Variants in KLF12 observed in about 807,000 individuals in gnomAD.
KLF12 encodes the protein KLF transcription factor 12.
KLF12 carries 9 observed loss-of-function variants against 37.8 expected under a neutral mutation model. The ratio of observed to expected loss-of-function variants is 0.24; its 90% CI spans 0.14 to 0.42. The LOEUF (loss-of-function observed/expected upper bound fraction) is 0.42. Ranked by LOEUF, KLF12 falls within the 10% of genes least tolerant of loss-of-function variation. KLF12 has a pLI of 1.00. For missense variants in KLF12, 411 were observed against 516.0 expected (o/e 0.80, Z 1.97); for synonymous variants, 208 against 202.1 (o/e 1.03, Z -0.25).
At chr13:73,863,572 T>C (rs1440913865) in intron 3 of KLF12, among the ~76,000 whole-genome samples, 1 of 152,130 alleles carries the variant, frequency 6.6e-6, no homozygotes, top group Admixed American at 6.5e-5. Context: ...TTTTATCTAT[T>C]TTACTGTAGT....
chr13:73,699,719 G>C (rs1310376785), intron 7 of KLF12, among the ~76,000 whole-genome samples: 3 of 152,182 alleles, frequency 2.0e-5, no homozygotes, highest in Non-Finnish European at 4.4e-5. Context: ...ACATGAGAAG[G>C]ATCAGAAAGT....
intron 1 of KLF12, among the ~76,000 whole-genome samples, chr13:74,090,945 G>GAAAGTAAGA (rs1875618753): frequency 1.8e-4 from 23 of 127,528 alleles, no homozygotes; most frequent in African/African-American, 7.0e-4. Context: ...AAAAAAAAAA[G>GAAAGTAAGA]AAAGTAAGAA....
At chr13:73,847,866 G>A (rs905680157) in intron 3 of KLF12, among the ~76,000 whole-genome samples, 2 of 152,168 alleles carry the variant, frequency 1.3e-5, no homozygotes, top group East Asian at 3.9e-4. Flanking sequence ...TTTGATAAAA[G>A]CTATTAGCAT....
At chr13:74,025,691 G>C (rs1290059857) in intron 1 of KLF12, among the ~76,000 whole-genome samples, 1 of 152,094 alleles carries the variant, frequency 6.6e-6, no homozygotes, top group Non-Finnish European at 1.5e-5. Flanking sequence ...AGGGAATTTA[G>C]AACTGTCCAG....
chr13:73,895,184 T>C (rs1748420343), intron 3 of KLF12, among the ~76,000 whole-genome samples: 1 of 152,226 alleles, frequency 6.6e-6, no homozygotes, highest in African/African-American at 2.4e-5. Flanking sequence ...GCCAAATCTA[T>C]GTTTTTAATT....
At chr13:73,892,374 G>A (rs572510801) in intron 3 of KLF12, among the ~76,000 whole-genome samples, 8 of 152,148 alleles carry the variant, frequency 5.3e-5, no homozygotes, top group Admixed American at 2.0e-4. Context: ...TAAAACTGAC[G>A]TTGAAAAGAA....
At chr13:73,941,659 T>C (rs1275264341) in intron 3 of KLF12, among the ~76,000 whole-genome samples, 1 of 152,160 alleles carries the variant, frequency 6.6e-6, no homozygotes, top group East Asian at 1.9e-4. Flanking sequence ...GTCACCAAAA[T>C]TCTAGACTTT....
intron 5 of KLF12, among the ~76,000 whole-genome samples, chr13:73,774,242 T>A (rs2138141225): frequency 6.6e-6 from 1 of 151,060 alleles, no homozygotes; most frequent in South Asian, 2.1e-4. Flanking sequence ...TAAGTCAATA[T>A]ATGTGTGTGT....
the KLF12 span, among the ~76,000 whole-genome samples, chr13:74,302,345 T>A: frequency 2.6e-5 from 4 of 152,274 alleles, no homozygotes; most frequent in South Asian, 8.3e-4. Context: ...AAATAATGGA[T>A]AAGATACAGA....
chr13:73,770,788 G>A (rs1880217274), intron 5 of KLF12, among the ~76,000 whole-genome samples: 1 of 152,098 alleles, frequency 6.6e-6, no homozygotes, highest in Non-Finnish European at 1.5e-5. Context: ...CTCCCAAAGT[G>A]CTGGGATTAC....
In KLF12 at chr13:73,946,444, A is replaced by C. The variant is rs532604209; in HGVS notation, c.34-2374T>G. Among the ~76,000 whole-genome samples, 5 of 152,308 alleles carry C rather than the reference A, an allele frequency of 3.3e-5. No homozygotes were observed. The East Asian group carries it at 9.7e-4, about 29-fold the overall frequency. On this transcript the variant is annotated intron_variant, in intron 2 of 7. Transcript: ENST00000377669. ...AAGTTAAAAACTGATAAATCATAAA[A>C]ACCTGACTGGGTCTGTGTTCCACTT...
intron 6 of KLF12, among the ~76,000 whole-genome samples, chr13:73,726,338 T>C (rs145401625): frequency 9.5e-4 from 144 of 152,338 alleles, no homozygotes; most frequent in African/African-American, 3.3e-3. Flanking sequence ...TACAATTCAA[T>C]GGCATTCAGT....
chr13:73,781,907 C>T (rs1302595593), intron 5 of KLF12, among the ~76,000 whole-genome samples: 1 of 152,026 alleles, frequency 6.6e-6, no homozygotes. Flanking sequence ...TTCATTCTTG[C>T]CCTGGGAATT....
At chr13:74,163,580 G>A in the KLF12 span, among the ~76,000 whole-genome samples, 1 of 152,102 alleles carries the variant, frequency 6.6e-6, no homozygotes, top group Non-Finnish European at 1.5e-5. Flanking sequence ...ACTGGGAAGG[G>A]TTGTGGGGGT....
the KLF12 span, among the ~76,000 whole-genome samples, chr13:74,148,429 G>A: frequency 2.7e-5 from 1 of 37,516 alleles, no homozygotes; most frequent in Non-Finnish European, 5.0e-5. Flanking sequence ...TTTTTTTTCT[G>A]TACTCAATTT....
intron 3 of KLF12, among the ~76,000 whole-genome samples, chr13:73,920,481 G>C (rs1431610165): frequency 6.6e-6 from 1 of 152,102 alleles, no homozygotes; most frequent in Non-Finnish European, 1.5e-5. Context: ...AAACTAAAAT[G>C]TGATTGTAAC....
intron 4 of KLF12, among the ~76,000 whole-genome samples, chr13:73,813,492 C>A (rs1191521994): frequency 1.3e-5 from 2 of 152,110 alleles, no homozygotes; most frequent in African/African-American, 4.8e-5. Context: ...AAAACCTAAA[C>A]CAGCTCTCAA....
intron 1 of KLF12, among the ~76,000 whole-genome samples, chr13:74,033,954 C>CA (rs1300713350): frequency 0.014 from 1,843 of 129,678 alleles, 20 homozygotes; most frequent in East Asian, 0.038. Context: ...AGCTGAAAGC[C>CA]AAAAAAAAAA....
At chr13:74,060,490 G>GTGTGTGTGTGTGTGTGTGTC (rs1555336639) in intron 1 of KLF12, among the ~76,000 whole-genome samples, 71 of 98,648 alleles carry the variant, frequency 7.2e-4, no homozygotes, top group African/African-American at 2.2e-3. Flanking sequence ...GGTTTTGTGT[G>GTGTGTGTGTGTGTGTGTGTC]TGTGTGTGTG....
Sources: allele counts gnomAD v4.1 joint callset (sites outside exome capture counted in the v4.1 genomes callset), GRCh38; gene constraint gnomAD v4.1.1; transcripts MANE v1.5; gene names NCBI Gene and HGNC (gene_info 2026-07-23, HGNC 2026-07-21).